FBN2: variants seen among roughly 807,000 people sequenced by gnomAD.
FBN2 encodes fibrillin-2.
FBN2 carries 105 observed loss-of-function variants against 355.6 expected under a neutral mutation model. The observed-to-expected ratio is 0.30, with a 90% confidence interval of 0.25 to 0.35. The LOEUF is 0.35. FBN2 is among the 10% of genes least tolerant of loss of function. The pLI, the probability that FBN2 is intolerant of heterozygous loss-of-function variation, is 1.00. For missense variants in FBN2, 3,280 were observed against 3,758.7 expected, an observed-to-expected ratio of 0.87 and a Z score of 3.33; for synonymous variants, 1,350 against 1,301.2, an observed-to-expected ratio of 1.04 and a Z score of -0.81.
At chr5:128,310,144 C>A in intron 39 of FBN2, 36 bp from the exon 40 acceptor site, 2 of 1,539,552 alleles carry the variant, frequency 1.3e-6, no homozygotes, top group South Asian at 1.1e-5. Context: ...ATTAATAAAT[C>A]TATTTTTTCA....
rs575194868 is a variant in FBN2, at chr5:128,538,205, A to C, written c.-602T>G. On this transcript the variant is annotated 5_prime_UTR_variant, in exon 1 of 65. Transcript: ENST00000262464. ...CGCGGGGCCGGGGCGTGCGGCCAGC[A>C]AGAGAGAGGGCGGGAGGCTGGGCGC... 1.5e-3 allele frequency: 232 copies of C among 154,818 alleles called. 1 individual carries two copies. Among genetic ancestry groups the C allele is most frequent in the Non-Finnish European group, 2.8e-3 (194 of 69,840 alleles). 9.6% of individuals were successfully genotyped at this position (154,818 alleles called of 1,614,324 possible).
intron 5 of FBN2, among the ~76,000 whole-genome samples, chr5:128,512,513 A>AT: frequency 1.3e-5 from 1 of 79,304 alleles, no homozygotes; most frequent in African/African-American, 5.0e-5. Context: ...AACCCGTCTC[A>AT]AAAAAAAAAA....
At chr5:128,529,489 T>C (rs1284213577) in intron 3 of FBN2, among the ~76,000 whole-genome samples, 1 of 152,150 alleles carries the variant, frequency 6.6e-6, no homozygotes, top group Non-Finnish European at 1.5e-5. Context: ...AAGTTCCTGA[T>C]GAAATGGAAG....
chr5:128,525,349 A>G (rs957059137), intron 4 of FBN2, among the ~76,000 whole-genome samples: 7 of 152,164 alleles, frequency 4.6e-5, no homozygotes, highest in Non-Finnish European at 7.4e-5. Context: ...CTAAAAATAT[A>G]TATCAATCTA....
intron 2 of FBN2, among the ~76,000 whole-genome samples, chr5:128,531,353 TA>T (rs1756700343): frequency 6.6e-6 from 1 of 152,090 alleles, no homozygotes; most frequent in Non-Finnish European, 1.5e-5. Context: ...ATGTGGGAGC[TA>T]AGCTATGAGG....
rs139579565 is a variant in FBN2 at position 128,344,630 on chromosome 5, T to C, written c.3218-120A>G. On this transcript the variant is annotated intron_variant, in intron 24 of 64. Coordinates refer to ENST00000262464, the MANE Select transcript of FBN2 (RefSeq NM_001999.4). ...AATGCATCCAAGTAAAAAACAGGGC[T>C]ACTAAATGTTTCAGTGATCACACTG... 289 of 872,864 alleles carry C rather than the reference T, an allele frequency of 3.3e-4. 1 individual carries two copies. Among genetic ancestry groups the C allele is most frequent in the African/African-American group, 3.0e-3 (179 of 60,592 alleles). 54.1% of individuals were successfully genotyped at this position (872,864 alleles called of 1,614,324 possible). A position where few individuals can be genotyped will look rare whatever the true frequency, so the allele number is the denominator to read the frequency against.
intron 58 of FBN2, among the ~76,000 whole-genome samples, chr5:128,276,965 A>G (rs1004740292): frequency 6.6e-6 from 1 of 152,006 alleles, no homozygotes; most frequent in Non-Finnish European, 1.5e-5. Context: ...TCTCTTTCCT[A>G]CTCGGACTCT....
intron 62 of FBN2, among the ~76,000 whole-genome samples, chr5:128,266,956 A>T (rs980758458): frequency 3.3e-5 from 5 of 151,972 alleles, no homozygotes; most frequent in African/African-American, 1.2e-4. Flanking sequence ...CTCATCTTCT[A>T]GGTTACCTCC....
chr5:128,405,682 C>T (rs1057037483), intron 8 of FBN2, among the ~76,000 whole-genome samples: 5 of 152,100 alleles, frequency 3.3e-5, no homozygotes, highest in Non-Finnish European at 5.9e-5. Context: ...GGGAATAAAA[C>T]GCTGAAACTT....
intron 11 of FBN2, 126 bp from the exon 12 acceptor site, chr5:128,379,016 AT>A: frequency 9.6e-7 from 1 of 1,037,442 alleles, no homozygotes; most frequent in Non-Finnish European, 1.5e-6. Context: ...ATAGCGAAGT[AT>A]TTATAAATGA....
Position 128,310,112 on chromosome 5 carries a change from G to A in FBN2, c.5075-4C>T. 1 of 1,608,124 alleles carries A rather than the reference G, an allele frequency of 6.2e-7. No homozygotes were observed. Among genetic ancestry groups the A allele is most frequent in the Non-Finnish European group, 8.5e-7 (1 of 1,174,944 alleles). ...TGTGCAAAACACTCATCAATATCTA[G>A]AGTAGGCAAGAATATCTATTAATTA... On this transcript the variant is annotated splice_polypyrimidine_tract_variant and splice_region_variant and intron_variant, in intron 39 of 64. Transcript: ENST00000262464.
intron 63 of FBN2, among the ~76,000 whole-genome samples, 180 bp from the exon 64 acceptor site, chr5:128,262,087 T>C (rs1391450682): frequency 6.6e-6 from 1 of 152,260 alleles, no homozygotes; most frequent in African/African-American, 2.4e-5. Context: ...GGTCTTGCTC[T>C]GTTTCCCAAG....
intron 48 of FBN2, among the ~76,000 whole-genome samples, chr5:128,299,221 C>A (rs1314084521): frequency 6.6e-6 from 1 of 151,488 alleles, no homozygotes; most frequent in African/African-American, 2.4e-5. Context: ...CTGGGAGAAC[C>A]ACTGCTCTCT....
intron 48 of FBN2, among the ~76,000 whole-genome samples, chr5:128,298,945 G>GT (rs1489720817): frequency 4.6e-5 from 7 of 152,182 alleles, no homozygotes; most frequent in African/African-American, 9.7e-5. Context: ...TTTCTGCTCT[G>GT]TTTTTTCCCC....
At chr5:128,497,776 G>T (rs2127135178) in intron 5 of FBN2, among the ~76,000 whole-genome samples, 1 of 152,262 alleles carries the variant, frequency 6.6e-6, no homozygotes, top group South Asian at 2.1e-4. Flanking sequence ...AGTTTTAACT[G>T]AATGATTAGG....
intron 2 of FBN2, among the ~76,000 whole-genome samples, chr5:128,531,720 GTGTA>G (rs779775128): frequency 4.2e-4 from 60 of 143,020 alleles, no homozygotes; most frequent in African/African-American, 8.8e-4. Flanking sequence ...ATATGTATGT[GTGTA>G]TATATATATA....
chr5:128,462,535 G>A (rs778182066), intron 6 of FBN2, among the ~76,000 whole-genome samples: 8 of 152,084 alleles, frequency 5.3e-5, no homozygotes, highest in Non-Finnish European at 1.2e-4. Flanking sequence ...TTTTGTTCCT[G>A]TTACTGTGTT....
At chr5:128,536,332 A>C (rs1756845263) in intron 2 of FBN2, 70 bp downstream of exon 2, 1 of 1,180,592 alleles carries the variant, frequency 8.5e-7, no homozygotes, top group African/African-American at 1.5e-5. Flanking sequence ...CAAATGGCTG[A>C]GTGCAAGAGG....
intron 7 of FBN2, among the ~76,000 whole-genome samples, chr5:128,422,634 T>C (rs1753379816): frequency 1.3e-5 from 2 of 152,178 alleles, no homozygotes; most frequent in African/African-American, 2.4e-5. Context: ...CATTTTGCTC[T>C]GGAAAAATGT....
Sources: allele counts gnomAD v4.1 joint callset (sites outside exome capture counted in the v4.1 genomes callset), GRCh38; gene constraint gnomAD v4.1.1; transcripts MANE v1.5; gene names NCBI Gene and HGNC (gene_info 2026-07-23, HGNC 2026-07-21).